The following DOCK1 variants were observed in gnomAD, a reference collection of about 807,000 sequenced individuals.
DOCK1 encodes the protein dedicator of cytokinesis protein 1.
In DOCK1, 138 loss-of-function variants were observed where a neutral mutation model predicts 262.7. The observed-to-expected ratio is 0.53, with a 90% CI of 0.46 to 0.61. The LOEUF (loss-of-function observed/expected upper bound fraction) is 0.61, where lower values mean the gene tolerates loss of function less well. DOCK1 is among the 20% of genes least tolerant of loss of function. The probability of loss-of-function intolerance (pLI) is 0.00; values close to 1 mark genes in which losing one functional copy is unlikely to be tolerated. For missense variants in DOCK1, 1,908 were observed against 2,370.7 expected, an observed-to-expected ratio of 0.80 and a Z score of 4.05; for synonymous variants, 866 against 867.4, an observed-to-expected ratio of 1.00 and a Z score of 0.03.
At chr10:127,316,895 C>A (rs576151046) in intron 29 of DOCK1, among the ~76,000 whole-genome samples, 1 of 152,170 alleles carries the variant, frequency 6.6e-6, no homozygotes, top group East Asian at 1.9e-4. Context: ...AGAACAAACA[C>A]CCCCTCTCCA....
At chr10:127,034,449 G>A (rs909474854) in intron 18 of DOCK1, among the ~76,000 whole-genome samples, 4 of 152,114 alleles carry the variant, frequency 2.6e-5, no homozygotes, top group Admixed American at 2.0e-4. Flanking sequence ...CCCACAACAC[G>A]TGGGAATTCA....
chr10:127,125,429 T>A (rs1289186870), intron 25 of DOCK1, 45 bp from the exon 26 acceptor site: 2 of 1,606,410 alleles, frequency 1.2e-6, no homozygotes, highest in African/African-American at 2.7e-5. Context: ...ACGAGTTGCG[T>A]CTTGGTGGGT....
At chr10:127,103,695 G>T (rs559526215) in intron 23 of DOCK1, among the ~76,000 whole-genome samples, 1 of 152,210 alleles carries the variant, frequency 6.6e-6, no homozygotes, top group Non-Finnish European at 1.5e-5. Context: ...GTGGGCTGAA[G>T]TGCAGCCTGT....
chr10:127,269,478 C>T lies in DOCK1; in HGVS notation c.3044+12049C>T, dbSNP rs115704625. Among the ~76,000 whole-genome samples the T allele has an allele frequency of 9.6e-3, 1,464 of 152,300 alleles. 33 individuals are homozygous for T. Among genetic ancestry groups the T allele is most frequent in the African/African-American group, 0.033 (1,388 of 41,560 alleles). Reference sequence around the variant, plus strand: ...AGGATATTTGTATATATTCAAATTGCGGTTTCCCTTGATTTATAGGTAATT... The same window carrying T: ...AGGATATTTGTATATATTCAAATTGTGGTTTCCCTTGATTTATAGGTAATT... On this transcript the variant is annotated intron_variant, in intron 29 of 51. Coordinates refer to ENST00000623213, the MANE Select transcript of DOCK1 (RefSeq NM_001290223.2).
chr10:127,244,915 G>A (rs918808490), intron 27 of DOCK1, among the ~76,000 whole-genome samples: 13 of 152,162 alleles, frequency 8.5e-5, no homozygotes, highest in Admixed American at 6.5e-4. Flanking sequence ...TCTCCCAAAT[G>A]CATTTAAAAT....
Position 127,106,320 on chromosome 10 carries a change from C to A in DOCK1, c.2516+19C>A, listed in dbSNP as rs748604153. The A allele has an allele frequency of 6.3e-7, 1 of 1,586,020 alleles. No homozygotes were observed. The highest frequency in any genetic ancestry group is 2.3e-5 in the East Asian group (1 of 44,076). Reference sequence around the variant, plus strand: ...AGCTCAGGTAAGTATGCAGCCCAGGCGAATGCTTGTCACGTGCCGTGTGTG... The same window carrying A: ...AGCTCAGGTAAGTATGCAGCCCAGGAGAATGCTTGTCACGTGCCGTGTGTG... On this transcript the variant is annotated intron_variant, in intron 24 of 51. Transcript: ENST00000623213.
intron 1 of DOCK1, among the ~76,000 whole-genome samples, chr10:126,959,505 G>T (rs1384406817): frequency 6.6e-6 from 1 of 151,772 alleles, no homozygotes; most frequent in Non-Finnish European, 1.5e-5. Context: ...CCTTAGACAC[G>T]AATTTGGACT....
At chr10:127,113,345 C>T (rs947195812) in intron 25 of DOCK1, among the ~76,000 whole-genome samples, 4 of 152,178 alleles carry the variant, frequency 2.6e-5, no homozygotes, top group African/African-American at 7.2e-5. Context: ...CCTCCAGGCT[C>T]CTTCGTGGGG....
chr10:126,921,707 C>A (rs149284925), intron 1 of DOCK1, among the ~76,000 whole-genome samples: 1 of 152,210 alleles, frequency 6.6e-6, no homozygotes, highest in African/African-American at 2.4e-5. Flanking sequence ...GGCTGGAGTG[C>A]AGTGGCGCGA....
chr10:127,030,405 T>C (rs1345030129), intron 16 of DOCK1, among the ~76,000 whole-genome samples: 1 of 152,186 alleles, frequency 6.6e-6, no homozygotes, highest in East Asian at 1.9e-4. Flanking sequence ...CACACTGGAC[T>C]TCTGTCCCCA....
chr10:127,409,454 C>G lies in DOCK1; in HGVS notation c.4343+63C>G, dbSNP rs1351084889. On this transcript the variant is annotated intron_variant, in intron 42 of 51. Transcript: ENST00000623213. ...TAAGAGGCTGTGTACAGATCTCTTG[C>G]TAATAATTCCACCTTTTAAAGGACG... 4 of 1,527,064 alleles carry G rather than the reference C, an allele frequency of 2.6e-6. No individual in the cohort carries two copies. The East Asian group carries it at 6.8e-5, about 26-fold the overall frequency. The allele number at this position is 1,527,064 out of a possible 1,614,324, so 94.6% of individuals were successfully genotyped here. A position where few individuals can be genotyped will look rare whatever the true frequency, so the allele number is the denominator to read the frequency against.
At chr10:127,366,297 G>A (rs2064905411) in intron 33 of DOCK1, among the ~76,000 whole-genome samples, 1 of 152,110 alleles carries the variant, frequency 6.6e-6, no homozygotes, top group Non-Finnish European at 1.5e-5. Context: ...ATTGGGAAAA[G>A]ATCAGTTTTC....
Position 127,409,123 on chromosome 10 carries a change from G to A in DOCK1, c.4209G>A (p.Glu1403=). ...TCTTAACTCAGTTTCCAAACGCCGAGAAAATGAAGACAACATCTCCACCAG... is the reference window on the plus strand; with the variant it reads ...TCTTAACTCAGTTTCCAAACGCCGAAAAAATGAAGACAACATCTCCACCAG... ...ARLLTQFPNA[E]KMKTTSPPGD... Residue 1403 remains glutamate (E), a synonymous_variant, in exon 41 of 52, where the codon GAG becomes GAA. Transcript: ENST00000623213. 2 of 1,611,352 alleles carry A rather than the reference G, an allele frequency of 1.2e-6. No homozygotes were observed. The highest frequency in any genetic ancestry group is 1.1e-5 in the South Asian group (1 of 90,558).
rs1413411892 is a variant in DOCK1 at position 127,021,608 on chromosome 10, C to T, written c.1328-1592C>T. Among the ~76,000 whole-genome samples the T allele has an allele frequency of 4.6e-5, 7 of 152,140 alleles. No homozygotes were observed. The East Asian group carries it at 1.3e-3, about 29-fold the overall frequency. ...AAGTGACTTGTCCAAGGTCACACAG[C>T]AAATGAGCAACAAGTCTTGGTTGGG... On this transcript the variant is annotated intron_variant, in intron 13 of 51. Transcript: ENST00000623213.
intron 13 of DOCK1, chr10:127,019,083 G>C: frequency 8.1e-6 from 4 of 495,006 alleles, no homozygotes; most frequent in Non-Finnish European, 6.9e-6. Context: ...TGTGAGGGGG[G>C]CGTGGGCACC....
At chr10:127,243,754 G>A (rs2059341789) in intron 27 of DOCK1, among the ~76,000 whole-genome samples, 3 of 152,104 alleles carry the variant, frequency 2.0e-5, no homozygotes, top group African/African-American at 7.2e-5. Context: ...TAAGACAGGA[G>A]CTTAAGAAAT....
chr10:127,409,518 G>A (rs2067720983), intron 42 of DOCK1, 127 bp downstream of exon 42: 1 of 990,334 alleles, frequency 1.0e-6, no homozygotes, highest in African/African-American at 1.6e-5. Flanking sequence ...TGCTCTTTCT[G>A]TCCTCTTTGA....
intron 35 of DOCK1, among the ~76,000 whole-genome samples, chr10:127,377,431 C>T (rs886213642): frequency 6.6e-6 from 1 of 151,960 alleles, no homozygotes; most frequent in Admixed American, 6.6e-5. Flanking sequence ...GAAATGAAGC[C>T]TAAAGTTAAA....
chr10:126,980,776 A>T (rs1247596195), intron 3 of DOCK1, among the ~76,000 whole-genome samples: 4 of 151,918 alleles, frequency 2.6e-5, no homozygotes, highest in Non-Finnish European at 5.9e-5. Flanking sequence ...CCTTGAAGCC[A>T]CAGGGGTGCC....
Sources: allele counts gnomAD v4.1 joint callset (sites outside exome capture counted in the v4.1 genomes callset), GRCh38; gene constraint gnomAD v4.1.1; transcripts MANE v1.5; gene names NCBI Gene and HGNC (gene_info 2026-07-23, HGNC 2026-07-21).